TMCO1: variants seen among roughly 807,000 people sequenced by gnomAD.
TMCO1 encodes the protein transmembrane and coiled-coil domains 1, also known as calcium load-activated calcium channel.
TMCO1 carries 29 observed loss-of-function variants against 29.3 expected under a neutral mutation model. The ratio of observed to expected loss-of-function variants is 0.99; its 90% confidence interval spans 0.74 to 1.35. The LOEUF (loss-of-function observed/expected upper bound fraction) is 1.35, where lower values mean the gene tolerates loss of function less well. Ranked by LOEUF, TMCO1 falls within the 40% of genes most tolerant of loss-of-function variation. The pLI is 0.00. For missense variants in TMCO1, 173 were observed against 225.5 expected (o/e 0.77, Z 1.49); for synonymous variants, 80 against 77.1 (o/e 1.04, Z -0.20).
At chr1:165,768,644 G>A in intron 1 of TMCO1, 38 bp downstream of exon 1, 4 of 1,613,844 alleles carry the variant, frequency 2.5e-6, no homozygotes, top group South Asian at 1.1e-5. Context: ...CCTTCCTCCC[G>A]GGGACTGATC....
downstream of TMCO1, chr1:165,726,454 G>T: frequency 1.8e-6 from 1 of 568,632 alleles, no homozygotes. Flanking sequence ...TGAGGAGGCT[G>T]TAATATAGAG....
intron 2 of TMCO1, among the ~76,000 whole-genome samples, 163 bp from the exon 3 acceptor site, chr1:165,759,747 T>C (rs1453255847): frequency 2.0e-5 from 3 of 152,186 alleles, no homozygotes; most frequent in Non-Finnish European, 2.9e-5. Flanking sequence ...TAGCTACTGA[T>C]GGTAAAAGGT....
intron 5 of TMCO1, among the ~76,000 whole-genome samples, chr1:165,749,263 A>T (rs1651910302): frequency 1.4e-5 from 2 of 144,558 alleles, no homozygotes; most frequent in South Asian, 4.5e-4. Flanking sequence ...TTACTCATAT[A>T]AGAAAATTAT....
At chr1:165,732,987 T>A (rs371774932) in intron 6 of TMCO1, among the ~76,000 whole-genome samples, 2 of 152,176 alleles carry the variant, frequency 1.3e-5, no homozygotes, top group African/African-American at 4.8e-5. Flanking sequence ...AAAAAAAGAA[T>A]AACAACAATA....
At chr1:165,724,986 TTCTCTCTC>T (rs61515012), downstream of TMCO1, 27,584 of 370,556 alleles carry the variant, frequency 0.074, 545 homozygotes, top group South Asian at 0.1. Context: ...TATTCTCTCT[TTCTCTCTC>T]TCTCTCTCTC....
At chr1:165,732,718 T>C (rs1651218598) in intron 6 of TMCO1, among the ~76,000 whole-genome samples, 1 of 152,082 alleles carries the variant, frequency 6.6e-6, no homozygotes, top group Admixed American at 6.6e-5. Flanking sequence ...GGGCAAGGCA[T>C]ATATATGAAA....
chr1:165,754,644 A>C (rs1652127476), intron 3 of TMCO1, among the ~76,000 whole-genome samples: 2 of 152,130 alleles, frequency 1.3e-5, no homozygotes, highest in African/African-American at 4.8e-5. Context: ...CTTCTCTTAA[A>C]TTTTCTATTT....
At chr1:165,725,171 A>G, downstream of TMCO1, 1 of 449,968 alleles carries the variant, frequency 2.2e-6, no homozygotes, top group Non-Finnish European at 4.4e-6. Flanking sequence ...AAGAGAAAGT[A>G]TATAGTACTT....
In TMCO1 at chr1:165,748,091, G is replaced by A. The variant is rs537756869; in HGVS notation, c.323+4011C>T. Among the ~76,000 whole-genome samples, 19 of 151,934 alleles carry A rather than the reference G, an allele frequency of 1.3e-4. No homozygotes were observed. The East Asian group carries it at 3.7e-3, about 30-fold the overall frequency. ...GGAGAATCGCTTGAACCCGGGAGGT[G>A]GAGGTTACGGTGAGCCCAGATCACG... On this transcript the variant is annotated intron_variant, in intron 5 of 6. Coordinates refer to ENST00000367881, the MANE Select transcript of TMCO1 (RefSeq NM_019026.6).
chr1:165,766,453 G>A (rs1278134690), intron 2 of TMCO1, among the ~76,000 whole-genome samples: 2 of 152,164 alleles, frequency 1.3e-5, no homozygotes, highest in Non-Finnish European at 2.9e-5. Flanking sequence ...TCCCAACAAC[G>A]GGAGGTCAAG....
chr1:165,757,998 C>T (rs547717025), intron 3 of TMCO1, among the ~76,000 whole-genome samples: 1 of 152,050 alleles, frequency 6.6e-6, no homozygotes, highest in South Asian at 2.1e-4. Context: ...TGTTGAATGT[C>T]TTCATTTTCT....
chr1:165,758,431 C>T (rs1226480858), intron 3 of TMCO1, among the ~76,000 whole-genome samples: 1 of 151,986 alleles, frequency 6.6e-6, no homozygotes, highest in Non-Finnish European at 1.5e-5. Flanking sequence ...TGGTGCATGC[C>T]TATAGTCCCA....
intron 6 of TMCO1, among the ~76,000 whole-genome samples, chr1:165,734,738 C>T (rs573135122): frequency 7.9e-5 from 12 of 152,226 alleles, no homozygotes; most frequent in South Asian, 2.1e-4. Context: ...CTTCTGACCT[C>T]GTGATCCACC....
At chr1:165,759,751 A>G (rs1170351140) in intron 2 of TMCO1, among the ~76,000 whole-genome samples, 167 bp from the exon 3 acceptor site, 1 of 152,228 alleles carries the variant, frequency 6.6e-6, no homozygotes, top group African/African-American at 2.4e-5. Context: ...TACTGATGGT[A>G]AAAGGTAGAT....
chr1:165,742,800 AC>A (rs1206933196), intron 6 of TMCO1, among the ~76,000 whole-genome samples: 4 of 152,186 alleles, frequency 2.6e-5, no homozygotes, highest in Non-Finnish European at 5.9e-5. Context: ...ACATTGTTAA[AC>A]TTACTTGTGC....
At chr1:165,749,616 C>T (rs1276143018) in intron 5 of TMCO1, among the ~76,000 whole-genome samples, 1 of 152,116 alleles carries the variant, frequency 6.6e-6, no homozygotes, top group Non-Finnish European at 1.5e-5. Context: ...TGGGCAATGA[C>T]TGCACCACTG....
chr1:165,760,811 AAAAG>A (rs1457437315), intron 2 of TMCO1, among the ~76,000 whole-genome samples: 1 of 152,192 alleles, frequency 6.6e-6, no homozygotes, highest in African/African-American at 2.4e-5. Context: ...AAAAATAAAA[AAAAG>A]AAAGAAAAAG....
intron 6 of TMCO1, among the ~76,000 whole-genome samples, chr1:165,733,947 G>A (rs1291612103): frequency 6.6e-6 from 1 of 152,182 alleles, no homozygotes; most frequent in Non-Finnish European, 1.5e-5. Context: ...TTGCTAACTG[G>A]ATATTTTGGG....
chr1:165,751,190 A>G (rs921450483), intron 5 of TMCO1, among the ~76,000 whole-genome samples: 1 of 152,238 alleles, frequency 6.6e-6, no homozygotes, highest in African/African-American at 2.4e-5. Flanking sequence ...TTACCTTATC[A>G]TTAAACAAGA....
Sources: gnomAD v4.1 joint callset for allele counts (sites outside exome capture counted in the v4.1 genomes callset) on GRCh38, gnomAD v4.1.1 for gene constraint, MANE v1.5 for transcripts, NCBI Gene and HGNC (gene_info 2026-07-23, HGNC 2026-07-21) for gene names.